The following RASSF8 variants were observed in gnomAD, a reference collection of about 807,000 sequenced individuals.
The protein encoded by RASSF8 is ras association domain-containing protein 8.
A neutral mutation model predicts 48.5 loss-of-function variants in RASSF8; 22 were observed. The observed-to-expected ratio is 0.45, with a 90% CI of 0.32 to 0.65. The LOEUF (loss-of-function observed/expected upper bound fraction) is 0.65, where lower values mean the gene tolerates loss of function less well. Ranked by LOEUF, RASSF8 falls within the 30% of genes least tolerant of loss-of-function variation. The pLI is 0.03. For synonymous variants in RASSF8, 127 were observed against 171.5 expected (o/e 0.74, Z 2.03); for missense variants, 418 against 489.2 (o/e 0.85, Z 1.37).
intron 2 of RASSF8, among the ~76,000 whole-genome samples, chr12:26,015,420 C>T (rs1477524336): frequency 1.3e-5 from 2 of 152,150 alleles, no homozygotes; most frequent in African/African-American, 4.8e-5. Context: ...AGAAAATGCT[C>T]TCTTCAGTTT....
upstream of RASSF8, chr12:25,958,267 GGAA>G (rs1395256996): frequency 6.6e-6 from 1 of 152,018 alleles, no homozygotes. Context: ...CCCGGGCGAT[GGAA>G]GATTTTGCCC....
intron 2 of RASSF8, among the ~76,000 whole-genome samples, chr12:26,012,630 T>C (rs1942553800): frequency 6.6e-6 from 1 of 151,984 alleles, no homozygotes; most frequent in Admixed American, 6.6e-5. Context: ...ATGATTAGTA[T>C]CCAGATTTGT....
At chr12:26,044,840 G>T (rs1178938224) in intron 2 of RASSF8, among the ~76,000 whole-genome samples, 1 of 152,080 alleles carries the variant, frequency 6.6e-6, no homozygotes, top group Non-Finnish European at 1.5e-5. Flanking sequence ...ATTAATTGCA[G>T]AGCAGCACAC....
intron 2 of RASSF8, among the ~76,000 whole-genome samples, chr12:25,996,326 CT>C (rs1218216347): frequency 1.3e-5 from 2 of 152,186 alleles, no homozygotes; most frequent in African/African-American, 4.8e-5. Flanking sequence ...AAAGTTCTCT[CT>C]GATTGTCACT....
At chr12:26,043,402 G>A (rs1298018746) in intron 2 of RASSF8, among the ~76,000 whole-genome samples, 4 of 152,218 alleles carry the variant, frequency 2.6e-5, no homozygotes, top group African/African-American at 9.6e-5. Context: ...TGATTAAGGG[G>A]TAGCACATCA....
rs575306201 is a variant in RASSF8 at position 26,008,946 on chromosome 12, A to G, written c.-109+13816A>G. ...ATAAAGCTCTGCCAAATGAGCAGAT[A>G]TATCTGTATATTCACAGAGCCTGAA... On this transcript the variant is annotated intron_variant, in intron 2 of 5. Coordinates refer to ENST00000689635, the MANE Select transcript of RASSF8 (RefSeq NM_001394098.1). 7.2e-5 allele frequency among the ~76,000 whole-genome samples: 11 copies of G among 152,288 alleles called. No homozygotes were observed. In the South Asian group the frequency reaches 1.0e-3, roughly 14 times the overall value.
chr12:25,999,258 G>A (rs1338125012), intron 2 of RASSF8, among the ~76,000 whole-genome samples: 1 of 152,178 alleles, frequency 6.6e-6, no homozygotes, highest in Admixed American at 6.5e-5. Context: ...GTGAAATCAA[G>A]AGAAACTTTT....
chr12:25,995,447 TG>T (rs1181749437), intron 2 of RASSF8, among the ~76,000 whole-genome samples: 2 of 152,198 alleles, frequency 1.3e-5, no homozygotes, highest in Non-Finnish European at 2.9e-5. Context: ...TCACCACTCT[TG>T]GGCTTTCTGA....
intron 2 of RASSF8, among the ~76,000 whole-genome samples, chr12:26,027,450 G>T (rs1303457306): frequency 6.6e-6 from 1 of 152,226 alleles, no homozygotes; most frequent in Non-Finnish European, 1.5e-5. Context: ...GGGTCAGCAG[G>T]CCCTCACTTA....
chr12:26,057,556 T>A (rs1300163523), intron 3 of RASSF8, among the ~76,000 whole-genome samples: 2 of 152,222 alleles, frequency 1.3e-5, no homozygotes, highest in Admixed American at 6.5e-5. Context: ...GTTCCAAGTC[T>A]TTGCTATTGT....
intron 3 of RASSF8, among the ~76,000 whole-genome samples, chr12:26,058,526 G>A (rs183432681): frequency 0.014 from 874 of 63,878 alleles, 5 homozygotes; most frequent in Non-Finnish European, 0.018. Context: ...ACACACATGC[G>A]CACGCGCGCG....
At position 26,017,063 on chromosome 12, in the gene RASSF8, G is replaced by A. The variant is rs567764047; in HGVS notation, c.-109+21933G>A. 5.3e-5 allele frequency among the ~76,000 whole-genome samples: 8 copies of A among 151,822 alleles called. No homozygotes were observed. In the South Asian group the frequency reaches 1.5e-3, roughly 28 times the overall value. On this transcript the variant is annotated intron_variant, in intron 2 of 5. Transcript: ENST00000689635. ...ATTAAATGAGGAAACATTCTTACTT[G>A]GTTTTCTTTGATTTTTCATATGGGA...
chr12:26,025,298 C>T (rs531854011), intron 2 of RASSF8, among the ~76,000 whole-genome samples: 2 of 152,154 alleles, frequency 1.3e-5, no homozygotes, highest in African/African-American at 4.8e-5. Flanking sequence ...TGGCTCACGC[C>T]TGTAATCCCA....
At chr12:26,026,210 T>G (rs1942909586) in intron 2 of RASSF8, among the ~76,000 whole-genome samples, 1 of 152,138 alleles carries the variant, frequency 6.6e-6, no homozygotes, top group South Asian at 2.1e-4. Context: ...TGGGAAAATA[T>G]TTGCAAATAA....
intron 2 of RASSF8, among the ~76,000 whole-genome samples, chr12:26,017,404 G>A (rs1424591250): frequency 6.6e-6 from 1 of 152,164 alleles, no homozygotes; most frequent in African/African-American, 2.4e-5. Flanking sequence ...TGTAAGACTA[G>A]CAGATGTAAT....
At chr12:26,045,613 G>T (rs766536044) in intron 2 of RASSF8, among the ~76,000 whole-genome samples, 4 of 152,134 alleles carry the variant, frequency 2.6e-5, no homozygotes, top group Non-Finnish European at 5.9e-5. Flanking sequence ...ATGTTTTGTT[G>T]AAAAGTTTTC....
In RASSF8 at chr12:26,072,099, C is replaced by A; in HGVS notation, c.*3281C>A. 1.0e-6 allele frequency: 1 copy of A among 985,358 alleles called. No homozygotes were observed. The highest frequency in any genetic ancestry group is 1.2e-6 in the Non-Finnish European group (1 of 829,868). 61.0% of individuals were successfully genotyped at this position (985,358 alleles called of 1,614,324 possible). A position where few individuals can be genotyped will look rare whatever the true frequency, so the allele number is the denominator to read the frequency against. On this transcript the variant is annotated 3_prime_UTR_variant, in exon 6 of 6. Coordinates refer to ENST00000689635, the MANE Select transcript of RASSF8 (RefSeq NM_001394098.1). The stretch of plus-strand genomic sequence containing the variant: ...AAAGTGCTTGGGCAGATGGACAGTT[C>A]CCATTGTGCATTGCCTTTGATAAAT...
At position 26,071,728 on chromosome 12, in the gene RASSF8, G is replaced by GAGGT. The variant is rs1344060519; in HGVS notation, c.*2912_*2915dup. On this transcript the variant is annotated 3_prime_UTR_variant, in exon 6 of 6. Transcript: ENST00000689635. The stretch of plus-strand genomic sequence containing the variant: ...CTATTTAATTCTCCCAGTCATCAAT[G>GAGGT]AGGTAATCATCAATTCCTATAGTTC... The GAGGT allele has an allele frequency of 5.1e-6, 5 of 983,394 alleles. No individual in the cohort carries two copies. The highest frequency in any genetic ancestry group is 6.0e-6 in the Non-Finnish European group (5 of 828,276). 60.9% of individuals were successfully genotyped at this position (983,394 alleles called of 1,614,324 possible). A position where few individuals can be genotyped will look rare whatever the true frequency, so the allele number is the denominator to read the frequency against.
intron 2 of RASSF8, among the ~76,000 whole-genome samples, chr12:25,999,730 C>T (rs1402581384): frequency 1.3e-5 from 2 of 152,078 alleles, no homozygotes; most frequent in Non-Finnish European, 2.9e-5. Flanking sequence ...GTTCCCAAGG[C>T]AATCAACTAA....
Sources: gnomAD v4.1 joint callset for allele counts (sites outside exome capture counted in the v4.1 genomes callset) on GRCh38, gnomAD v4.1.1 for gene constraint, MANE v1.5 for transcripts, NCBI Gene and HGNC (gene_info 2026-07-23, HGNC 2026-07-21) for gene names.